NRXN2: variants seen among roughly 807,000 people sequenced by gnomAD.
NRXN2 encodes the protein neurexin 2, also known as neurexin-2-beta.
A neutral mutation model predicts 128.8 loss-of-function variants in NRXN2; 29 were observed. The ratio of observed to expected loss-of-function variants is 0.23; its 90% CI spans 0.17 to 0.31. The LOEUF (loss-of-function observed/expected upper bound fraction) is 0.31. Among genes scored for constraint, NRXN2 ranks in the 10% least tolerant of loss-of-function variants. NRXN2 has a pLI of 1.00. For synonymous variants in NRXN2, 1,098 were observed against 1,075.2 expected, an observed-to-expected ratio of 1.02 and a Z score of -0.41; for missense variants, 1,881 against 2,452.6, an observed-to-expected ratio of 0.77 and a Z score of 4.92.
chr11:64,692,794 G>A, intron 4 of NRXN2, 53 bp downstream of exon 4: 1 of 1,609,846 alleles, frequency 6.2e-7, no homozygotes. Flanking sequence ...AGAAAATCCA[G>A]GCGCAGGTTG....
At chr11:64,655,957 A>G (rs2048213565) in intron 11 of NRXN2, 1 of 152,220 alleles carries the variant, frequency 6.6e-6, no homozygotes, top group South Asian at 2.1e-4. Context: ...CGTGGCACAG[A>G]CCCACGAAGG....
rs370493872 is a variant in NRXN2 at position 64,668,618 on chromosome 11, G to A, written c.1198-14C>T. ...CGAGATGGTCACCTGTCCAGCCCAGGAGGGAGGGAGAAAGACAGGAGACAA... is the reference window on the plus strand; with the variant it reads ...CGAGATGGTCACCTGTCCAGCCCAGAAGGGAGGGAGAAAGACAGGAGACAA... On this transcript the variant is annotated splice_polypyrimidine_tract_variant and intron_variant, in intron 7 of 22. Coordinates refer to ENST00000265459, the MANE Select transcript of NRXN2 (RefSeq NM_015080.4). 3.1e-6 allele frequency: 5 copies of A among 1,612,676 alleles called. No homozygotes were observed. Among genetic ancestry groups the A allele is most frequent in the African/African-American group, 2.7e-5 (2 of 74,908 alleles).
intron 2 of NRXN2, among the ~76,000 whole-genome samples, chr11:64,708,909 T>C (rs2056609057): frequency 6.6e-6 from 1 of 152,022 alleles, no homozygotes; most frequent in Non-Finnish European, 1.5e-5. Flanking sequence ...TGTCCTCAGT[T>C]GGCCAGGCGC....
At chr11:64,611,268 C>T (rs2040596531) in intron 22 of NRXN2, among the ~76,000 whole-genome samples, 1 of 152,206 alleles carries the variant, frequency 6.6e-6, no homozygotes, top group South Asian at 2.1e-4. Context: ...ACACCCCACC[C>T]CCTCCACCCT....
intron 2 of NRXN2, 194 bp downstream of exon 2, chr11:64,712,776 C>T: frequency 2.9e-6 from 2 of 688,472 alleles, no homozygotes; most frequent in Non-Finnish European, 2.7e-6. Context: ...CGCCCACTCG[C>T]CCCGCCCACC....
At chr11:64,709,146 C>A (rs1052972603) in intron 2 of NRXN2, among the ~76,000 whole-genome samples, 1 of 145,734 alleles carries the variant, frequency 6.9e-6, no homozygotes, top group Non-Finnish European at 1.5e-5. Context: ...GAGCTGAGAT[C>A]GTGCCATCGC....
chr11:64,654,321 A>C (rs2047938575), intron 11 of NRXN2, among the ~76,000 whole-genome samples: 2 of 152,066 alleles, frequency 1.3e-5, no homozygotes, highest in African/African-American at 4.8e-5. Context: ...CACCCTTTCC[A>C]ATCCTGGGAA....
chr11:64,654,916 G>A (rs1252762944), intron 11 of NRXN2, among the ~76,000 whole-genome samples: 1 of 152,180 alleles, frequency 6.6e-6, no homozygotes, highest in African/African-American at 2.4e-5. Flanking sequence ...CTCCATGTGA[G>A]CTGAGGGAAT....
chr11:64,685,917 C>T lies in NRXN2; in HGVS notation c.881G>A (p.Gly294Asp), dbSNP rs1277147117. The change falls in exon 6 of 23, where the codon GGC becomes GAC. Residue 294 changes from glycine to aspartate, a missense_variant. Coordinates refer to ENST00000265459, the MANE Select transcript of NRXN2 (RefSeq NM_015080.4). ...GKEEFVATFK[G>D]NEFFCYDLSH... ...CAGGTCGTAGCAGAAGAACTCATTGCCTTTGAAGGTCGCCACAAACTCCTC... is the reference window on the plus strand; with the variant it reads ...CAGGTCGTAGCAGAAGAACTCATTGTCTTTGAAGGTCGCCACAAACTCCTC... The T allele has an allele frequency of 6.2e-7, 1 of 1,614,046 alleles. No homozygotes were observed. Among genetic ancestry groups the T allele is most frequent in the African/African-American group, 1.3e-5 (1 of 74,896 alleles).
At chr11:64,692,801 G>A in intron 4 of NRXN2, 46 bp downstream of exon 4, 1 of 1,612,570 alleles carries the variant, frequency 6.2e-7, no homozygotes, top group Middle Eastern at 1.7e-4. Context: ...CCAGGCGCAG[G>A]TTGGGGGCAA....
chr11:64,630,672 C>G lies in NRXN2; in HGVS notation c.3586-99G>C. 7.3e-7 allele frequency: 1 copy of G among 1,361,566 alleles called. No individual in the cohort carries two copies. Among genetic ancestry groups the G allele is most frequent in the Non-Finnish European group, 1.0e-6 (1 of 973,476 alleles). The allele number at this position is 1,361,566 out of a possible 1,614,324, so 84.3% of individuals were successfully genotyped here. On this transcript the variant is annotated intron_variant, in intron 18 of 22. Coordinates refer to ENST00000265459, the MANE Select transcript of NRXN2 (RefSeq NM_015080.4). This position sits in a 1 kb window ranked among gnomAD's most constrained non-coding sequence, Gnocchi z 4.6. ...CCACCACTAGCCCAGCTCCGCAGCA[C>G]TTAAGGCACCTTTCCCAGGTCTCAA...
intron 3 of NRXN2, among the ~76,000 whole-genome samples, chr11:64,693,647 G>A (rs1292447436): frequency 1.3e-5 from 2 of 152,188 alleles, no homozygotes; most frequent in Non-Finnish European, 2.9e-5. Context: ...ACCTCTGTAG[G>A]GGTAGTAGGG....
Position 64,628,955 on chromosome 11 carries a change from G to A in NRXN2, c.3757+1447C>T, listed in dbSNP as rs530186652. ...GTCTGCAGTTGTCCATATGTCTAAG[G>A]TTGACCTGTGTGTACATGAACCTCT... is the stretch of plus-strand genomic sequence containing the variant. On this transcript the variant is annotated intron_variant, in intron 19 of 22. Coordinates refer to ENST00000265459, the MANE Select transcript of NRXN2 (RefSeq NM_015080.4). Among the ~76,000 whole-genome samples, 3 of 152,256 alleles carry A rather than the reference G, an allele frequency of 2.0e-5. No individual in the cohort carries two copies. In the East Asian group the frequency reaches 5.8e-4, roughly 29 times the overall value.
chr11:64,668,447 T>C lies in NRXN2; in HGVS notation c.1355A>G (p.Lys452Arg), dbSNP rs1212737849. Residue 452 changes from lysine to arginine, a missense_variant, in exon 8 of 23, where the codon AAG becomes AGG. Coordinates refer to ENST00000265459, the MANE Select transcript of NRXN2 (RefSeq NM_015080.4). ...CCCCTCCCTAGCCCTACTCACGTCCTTGAGGCAGCCCATGAAGTTGTTGCT... is the reference window on the plus strand; with the variant it reads ...CCCCTCCCTAGCCCTACTCACGTCCCTGAGGCAGCCCATGAAGTTGTTGCT... The part of the protein sequence containing the change: ...PVSNNFMGCL[K>R]DVVYKNNDFK... The C allele has an allele frequency of 1.2e-6, 2 of 1,613,778 alleles. No homozygotes were observed. The highest frequency in any genetic ancestry group is 1.7e-6 in the Non-Finnish European group (2 of 1,180,032).
At chr11:64,700,770 T>C (rs2055229450) in intron 2 of NRXN2, among the ~76,000 whole-genome samples, 1 of 152,180 alleles carries the variant, frequency 6.6e-6, no homozygotes, top group Non-Finnish European at 1.5e-5. Flanking sequence ...GTGTTTCTGA[T>C]ACAAACCTCT....
chr11:64,676,693 C>T (rs1216713201), intron 7 of NRXN2: 2 of 505,306 alleles, frequency 4.0e-6, no homozygotes, highest in African/African-American at 3.8e-5. Context: ...ATGGGGCCTG[C>T]CCCCAGGTCT....
At chr11:64,685,550 T>G in intron 6 of NRXN2, 96 bp downstream of exon 6, 2 of 1,514,140 alleles carry the variant, frequency 1.3e-6, no homozygotes, top group Non-Finnish European at 1.8e-6. Context: ...TGCCCAGCCC[T>G]GATCCCTCCA....
In NRXN2 at chr11:64,667,240, G is replaced by A. The variant is rs371678407; in HGVS notation, c.1798+10C>T. 3.1e-6 allele frequency: 5 copies of A among 1,613,838 alleles called. No homozygotes were observed. Among genetic ancestry groups the A allele is most frequent in the East Asian group, 2.2e-5 (1 of 44,898 alleles). On this transcript the variant is annotated intron_variant, in intron 9 of 22. Transcript: ENST00000265459. The surrounding 1 kb of genome is among the most constrained non-coding windows in gnomAD (Gnocchi z 5.6). ...CCCATGGAAGGGGAAGGGTCCAGAG[G>A]CCTCCTGACCTTTTCGCCCATCCCT... is the stretch of plus-strand genomic sequence containing the variant.
chr11:64,668,576 G>A lies in NRXN2; in HGVS notation c.1226C>T (p.Thr409Ile). 1 of 1,609,244 alleles carries A rather than the reference G, an allele frequency of 6.2e-7. No individual in the cohort carries two copies. The change falls in exon 8 of 23, where the codon ACC (threonine) becomes ATC (isoleucine). Residue 409 changes from threonine to isoleucine, a missense_variant. By Grantham distance (89) the Thr-to-Ile change is moderately conservative. Coordinates refer to ENST00000265459, the MANE Select transcript of NRXN2 (RefSeq NM_015080.4). ...LVTISVDGIL[T>I]TTGYTQEDYT... ...ATCCTCCTGCGTGTAGCCTGTGGTGGTCAGGATCCCGTCCACCGAGATGGT... is the reference window on the plus strand; with the variant it reads ...ATCCTCCTGCGTGTAGCCTGTGGTGATCAGGATCCCGTCCACCGAGATGGT...
Sources: allele counts gnomAD v4.1 joint callset (sites outside exome capture counted in the v4.1 genomes callset), GRCh38; gene constraint gnomAD v4.1.1; non-coding constraint Gnocchi (gnomAD v3.1); transcripts MANE v1.5; gene names NCBI Gene and HGNC (gene_info 2026-07-23, HGNC 2026-07-21).